The following PCDHGA3 variants were observed in gnomAD, a reference collection of about 807,000 sequenced individuals.
PCDHGA3 encodes protocadherin gamma subfamily A, 3, also known as protocadherin gamma-A3.
PCDHGA3 carries 40 observed loss-of-function variants against 58.5 expected under a neutral mutation model. The ratio of observed to expected loss-of-function variants is 0.68; its 90% CI spans 0.53 to 0.89. The LOEUF (loss-of-function observed/expected upper bound fraction) is 0.89. Among genes scored for constraint, PCDHGA3 ranks in the 40% least tolerant of loss-of-function variants. The pLI, the probability that PCDHGA3 is intolerant of heterozygous loss-of-function variation, is 0.00. For missense variants in PCDHGA3, 1,223 were observed against 1,195.9 expected, an observed-to-expected ratio of 1.02 and a Z score of -0.33; for synonymous variants, 530 against 525.7, an observed-to-expected ratio of 1.01 and a Z score of -0.11.
chr5:141,389,838 C>T (rs1156714079), intron 1 of PCDHGA3: 3 of 1,614,028 alleles, frequency 1.9e-6, no homozygotes, highest in Non-Finnish European at 2.5e-6. Context: ...ACAGCCACCA[C>T]TCTCGGCCAC....
At chr5:141,381,893 G>C (rs1777730137) in intron 1 of PCDHGA3, among the ~76,000 whole-genome samples, 1 of 121,222 alleles carries the variant, frequency 8.2e-6, no homozygotes, top group African/African-American at 3.2e-5. Context: ...GCAATGGTGT[G>C]ATCTCGGCTC....
chr5:141,346,644 T>A (rs1757786781), intron 1 of PCDHGA3, 187 bp downstream of exon 1: 2 of 851,514 alleles, frequency 2.3e-6, no homozygotes, highest in South Asian at 3.8e-5. Flanking sequence ...TATGGTTGAG[T>A]GGGCTTAGGG....
At chr5:141,433,995 C>G (rs995723859) in intron 1 of PCDHGA3, among the ~76,000 whole-genome samples, 1 of 152,028 alleles carries the variant, frequency 6.6e-6, no homozygotes, top group Non-Finnish European at 1.5e-5. Context: ...GTTTTATATT[C>G]TCTATATATG....
At chr5:141,399,959 G>A (rs1257286209) in intron 1 of PCDHGA3, 4 of 1,612,230 alleles carry the variant, frequency 2.5e-6, no homozygotes, top group South Asian at 1.1e-5. Flanking sequence ...AGCGAGCCCG[G>A]GCTCTTCAGC....
chr5:141,366,389 C>G, intron 1 of PCDHGA3: 1 of 1,614,168 alleles, frequency 6.2e-7, no homozygotes. Flanking sequence ...CCCTGAGGAT[C>G]TGGACCTCAC....
At chr5:141,434,713 T>C (rs1377558306) in intron 1 of PCDHGA3, among the ~76,000 whole-genome samples, 1 of 152,088 alleles carries the variant, frequency 6.6e-6, no homozygotes, top group Non-Finnish European at 1.5e-5. Flanking sequence ...GGTAAATCTC[T>C]GTTCAGGGCT....
At chr5:141,410,561 G>A (rs201832666) in intron 1 of PCDHGA3, 1 of 1,612,698 alleles carries the variant, frequency 6.2e-7, no homozygotes, top group Non-Finnish European at 8.5e-7. Flanking sequence ...TTCTCCTGGA[G>A]CCTTAATTCC....
At chr5:141,362,516 G>C (rs1284442105) in intron 1 of PCDHGA3, 1 of 1,613,984 alleles carries the variant, frequency 6.2e-7, no homozygotes, top group Admixed American at 1.7e-5. Flanking sequence ...ACAAATCATG[G>C]AGCCGCTGGG....
At chr5:141,360,734 T>C in intron 1 of PCDHGA3, 3 of 1,613,986 alleles carry the variant, frequency 1.9e-6, no homozygotes, top group Non-Finnish European at 2.5e-6. Flanking sequence ...AAACACTCTC[T>C]GGACAGAGAA....
chr5:141,413,477 C>A, intron 1 of PCDHGA3: 1 of 1,614,100 alleles, frequency 6.2e-7, no homozygotes, highest in Non-Finnish European at 8.5e-7. Flanking sequence ...GAGCTCTGCG[C>A]TCAGAGCGCG....
rs561548499 is a variant in PCDHGA3, at chr5:141,414,930, C to T, written c.2424+68473C>T. On this transcript the variant is annotated intron_variant, in intron 1 of 3. Coordinates refer to ENST00000253812, the MANE Select transcript of PCDHGA3 (RefSeq NM_018916.4). ...CAGGCGTGGAGCTGGCGCCCCGCTC[C>T]GCAGAGCCCGGCTACCTGGTGACCA... 1.9e-6 allele frequency: 3 copies of T among 1,614,156 alleles called. No homozygotes were observed. The South Asian group carries it at 3.3e-5, about 18-fold the overall frequency.
At chr5:141,472,620 A>G (rs2099290656) in intron 1 of PCDHGA3, among the ~76,000 whole-genome samples, 1 of 152,136 alleles carries the variant, frequency 6.6e-6, no homozygotes, top group Admixed American at 6.5e-5. Context: ...AGAAGAAAAA[A>G]GATAAAGACT....
At position 141,345,922 on chromosome 5, in the gene PCDHGA3, G is replaced by A. The variant is rs1465495058; in HGVS notation, c.1889G>A (p.Arg630Gln). The change falls in exon 1 of 4, where the codon CGA becomes CAA. Residue 630 changes from arginine to glutamine, a missense_variant. Coordinates refer to ENST00000253812, the MANE Select transcript of PCDHGA3 (RefSeq NM_018916.4). ...GLHTGEVRTA[R>Q]ALLDRDALKQ... Reference sequence around the variant, plus strand: ...CACACGGGCGAGGTGCGCACGGCGCGAGCCCTGCTGGACAGAGACGCGCTC... The same window carrying A: ...CACACGGGCGAGGTGCGCACGGCGCAAGCCCTGCTGGACAGAGACGCGCTC... 7 of 1,613,410 alleles carry A rather than the reference G, an allele frequency of 4.3e-6. No homozygotes were observed. The highest frequency in any genetic ancestry group is 5.1e-6 in the Non-Finnish European group (6 of 1,179,842).
At position 141,490,753 on chromosome 5, in the gene PCDHGA3, T is replaced by C; in HGVS notation, c.2425-4054T>C. ...TCAGGTTCAGGGAGCCCCAGCCTCC[T>C]CCTTTGTGTATGTCAACCCAGAGGA... On this transcript the variant is annotated intron_variant, in intron 1 of 3. Transcript: ENST00000253812. This position sits in a 1 kb window ranked among gnomAD's most constrained non-coding sequence, Gnocchi z 5.4. 1 of 1,614,184 alleles carries C rather than the reference T, an allele frequency of 6.2e-7. No individual in the cohort carries two copies. The highest frequency in any genetic ancestry group is 8.5e-7 in the Non-Finnish European group (1 of 1,180,024).
At chr5:141,395,543 TGTGTGTG>T in intron 1 of PCDHGA3, 1 of 8,204 alleles carries the variant, frequency 1.2e-4, no homozygotes, top group Non-Finnish European at 2.0e-4. Context: ...TGCTATTGTT[TGTGTGTG>T]TGTGTGTGTG....
In PCDHGA3 at chr5:141,432,088, A is replaced by T. The variant is rs144317211; in HGVS notation, c.2425-62719A>T. The T allele has an allele frequency of 2.9e-5, 47 of 1,614,148 alleles. No individual in the cohort carries two copies. In the African/African-American group the frequency reaches 5.7e-4, roughly 20 times the overall value. On this transcript the variant is annotated intron_variant, in intron 1 of 3. Transcript: ENST00000253812. This position sits in a 1 kb window ranked among gnomAD's most constrained non-coding sequence, Gnocchi z 6.0. Reference sequence around the variant, plus strand: ...AAACTCATATCTCGCTGAACGTGGCAGACACCAACGACAACCCGCCGGTCT... The same window carrying T: ...AAACTCATATCTCGCTGAACGTGGCTGACACCAACGACAACCCGCCGGTCT...
chr5:141,499,763 T>C (rs2099794343), intron 2 of PCDHGA3, among the ~76,000 whole-genome samples: 1 of 148,434 alleles, frequency 6.7e-6, no homozygotes, highest in African/African-American at 2.5e-5. Flanking sequence ...CTCAGCTCAC[T>C]GCAGCCTTCG....
chr5:141,364,926 C>T, intron 1 of PCDHGA3: 2 of 1,613,906 alleles, frequency 1.2e-6, no homozygotes, highest in Non-Finnish European at 8.5e-7. Flanking sequence ...TTGGAACAGC[C>T]CCTAGACCGC....
chr5:141,376,055 G>A lies in PCDHGA3; in HGVS notation c.2424+29598G>A, dbSNP rs746662537. On this transcript the variant is annotated intron_variant, in intron 1 of 3. Transcript: ENST00000253812. ...CGGCCAGCCCCCTCTCTCCGCCACTGTCACGCTCACCGTGGCCGTGGCCGA... is the reference window on the plus strand; with the variant it reads ...CGGCCAGCCCCCTCTCTCCGCCACTATCACGCTCACCGTGGCCGTGGCCGA... 4.3e-6 allele frequency: 7 copies of A among 1,613,232 alleles called. No homozygotes were observed. In the Admixed American group the frequency reaches 6.7e-5, roughly 15 times the overall value.
Sources: allele counts gnomAD v4.1 joint callset (sites outside exome capture counted in the v4.1 genomes callset), GRCh38; gene constraint gnomAD v4.1.1; non-coding constraint Gnocchi (gnomAD v3.1); transcripts MANE v1.5; gene names NCBI Gene and HGNC (gene_info 2026-07-23, HGNC 2026-07-21).